Variants in JARID2 observed in about 807,000 individuals in gnomAD.
JARID2 encodes the protein jumonji and AT-rich interaction domain containing 2, also known as protein Jumonji.
JARID2 carries 21 observed loss-of-function variants against 125.6 expected under a neutral mutation model. The observed-to-expected ratio is 0.17, with a 90% CI of 0.12 to 0.24. The LOEUF (loss-of-function observed/expected upper bound fraction) is 0.24. JARID2 is among the 10% of genes least tolerant of loss of function. JARID2 has a pLI of 1.00. For synonymous variants in JARID2, 736 were observed against 661.6 expected (o/e 1.11, Z -1.73); for missense variants, 1,303 against 1,639.6 (o/e 0.79, Z 3.55).
chr6:15,442,393 A>G (rs1204643351), intron 3 of JARID2, among the ~76,000 whole-genome samples: 1 of 152,226 alleles, frequency 6.6e-6, no homozygotes, highest in Non-Finnish European at 1.5e-5. Flanking sequence ...TGTAACTACA[A>G]CAGCCTATTA....
chr6:15,464,315 A>G (rs1251441397), intron 4 of JARID2, among the ~76,000 whole-genome samples: 7 of 152,338 alleles, frequency 4.6e-5, no homozygotes, highest in East Asian at 1.9e-4. Flanking sequence ...TGACAGAGCA[A>G]TGGCATGTGC....
At chr6:15,294,318 G>A (rs1414154023) in intron 1 of JARID2, among the ~76,000 whole-genome samples, 3 of 152,056 alleles carry the variant, frequency 2.0e-5, no homozygotes, top group Non-Finnish European at 2.9e-5. Flanking sequence ...TCAGCCTCCC[G>A]AGCAGCTGGG....
intron 2 of JARID2, among the ~76,000 whole-genome samples, chr6:15,392,280 A>G (rs1383928662): frequency 6.6e-6 from 1 of 152,148 alleles, no homozygotes; most frequent in Non-Finnish European, 1.5e-5. Flanking sequence ...TTTTCTGAAT[A>G]AGCCTGGGGC....
chr6:15,300,360 T>A (rs1761561863), intron 1 of JARID2, among the ~76,000 whole-genome samples: 1 of 152,196 alleles, frequency 6.6e-6, no homozygotes, highest in South Asian at 2.1e-4. Context: ...GAGAAGGGCA[T>A]GGGAGTAGAA....
chr6:15,515,892 G>A (rs920302933), intron 16 of JARID2, among the ~76,000 whole-genome samples: 2 of 151,448 alleles, frequency 1.3e-5, no homozygotes, highest in Non-Finnish European at 2.9e-5. Flanking sequence ...AAAATTAGCC[G>A]TGCATGATGT....
At chr6:15,486,924 T>G (rs534619424) in intron 5 of JARID2, among the ~76,000 whole-genome samples, 1 of 150,196 alleles carries the variant, frequency 6.7e-6, no homozygotes, top group African/African-American at 2.5e-5. Context: ...AGATACTACC[T>G]GAGACTGGGT....
Position 15,520,370 on chromosome 6 carries a change from CTGGT to C in JARID2, c.*121_*124del. 1 of 786,216 alleles carries C rather than the reference CTGGT, an allele frequency of 1.3e-6. No individual in the cohort carries two copies. The highest frequency in any genetic ancestry group is 1.9e-6 in the Non-Finnish European group (1 of 532,494). 48.7% of individuals were successfully genotyped at this position (786,216 alleles called of 1,614,324 possible). A position where few individuals can be genotyped will look rare whatever the true frequency, so the allele number is the denominator to read the frequency against. On this transcript the variant is annotated 3_prime_UTR_variant, in exon 18 of 18. Coordinates refer to ENST00000341776, the MANE Select transcript of JARID2 (RefSeq NM_004973.4). Reference sequence around the variant, plus strand: ...CACTAGCTCTAAAGAAGATTTTCTTCTGGTTTTAGAGAACTAATTTTGTTTTAGC... The same window carrying C: ...CACTAGCTCTAAAGAAGATTTTCTTCTTTAGAGAACTAATTTTGTTTTAGC...
chr6:15,391,167 C>T (rs1764986667), intron 2 of JARID2, among the ~76,000 whole-genome samples: 2 of 152,164 alleles, frequency 1.3e-5, no homozygotes, highest in South Asian at 2.1e-4. Flanking sequence ...GTTCTGAATG[C>T]CAATGTCTTG....
intron 1 of JARID2, among the ~76,000 whole-genome samples, chr6:15,330,113 TCTTTC>T (rs1055681146): frequency 5.3e-5 from 8 of 152,256 alleles, no homozygotes; most frequent in Admixed American, 1.3e-4. Flanking sequence ...ACGTTTGTAT[TCTTTC>T]CTTTCCTCTT....
chr6:15,413,002 G>GTTGTTTTTTTTTTTTTTTTTT (rs1554133602), intron 3 of JARID2, among the ~76,000 whole-genome samples: 1 of 46,532 alleles, frequency 2.1e-5, no homozygotes, highest in African/African-American at 9.3e-5. Context: ...AAGAGCTTGT[G>GTTGTTTTTTTTTTTTTTTTTT]TTTTTGTTTT....
At chr6:15,247,596 GTTTA>G (rs975939653) in intron 1 of JARID2, 83 of 984,456 alleles carry the variant, frequency 8.4e-5, no homozygotes, top group East Asian at 1.1e-4. Flanking sequence ...TAAGAGGAAA[GTTTA>G]TTTAAGTTGG....
At chr6:15,270,995 C>T (rs1332206188) in intron 1 of JARID2, among the ~76,000 whole-genome samples, 1 of 152,028 alleles carries the variant, frequency 6.6e-6, no homozygotes, top group African/African-American at 2.4e-5. Flanking sequence ...AAATCCCACA[C>T]TTTGCTTTCC....
chr6:15,500,271 G>C (rs528520419), intron 7 of JARID2, among the ~76,000 whole-genome samples: 1 of 152,190 alleles, frequency 6.6e-6, no homozygotes, highest in Non-Finnish European at 1.5e-5. Context: ...GGCGAGGGAC[G>C]AGGCATAGAT....
intron 1 of JARID2, among the ~76,000 whole-genome samples, chr6:15,342,270 G>T (rs1022747259): frequency 6.6e-6 from 1 of 152,140 alleles, no homozygotes. Flanking sequence ...GCCTCTGTGC[G>T]ACTTACTGTA....
chr6:15,278,506 A>G (rs183224319), intron 1 of JARID2, among the ~76,000 whole-genome samples: 5,749 of 152,128 alleles, frequency 0.038, 176 homozygotes, highest in South Asian at 0.072. Context: ...GAATGGCGTG[A>G]ACCCGGGAGG....
At chr6:15,250,220 T>C (rs1759389424) in intron 1 of JARID2, among the ~76,000 whole-genome samples, 1 of 152,236 alleles carries the variant, frequency 6.6e-6, no homozygotes, top group South Asian at 2.1e-4. Context: ...TTGGAAAAAG[T>C]TTTTGTTATA....
At chr6:15,447,251 A>G (rs754111305) in intron 3 of JARID2, among the ~76,000 whole-genome samples, 1 of 152,114 alleles carries the variant, frequency 6.6e-6, no homozygotes, top group Non-Finnish European at 1.5e-5. Context: ...GTTTACATTT[A>G]CTTGATTTGA....
intron 1 of JARID2, among the ~76,000 whole-genome samples, chr6:15,337,067 G>A (rs910465954): frequency 2.6e-5 from 4 of 152,194 alleles, no homozygotes; most frequent in Non-Finnish European, 2.9e-5. Context: ...AAACGAATGC[G>A]AAACTGTCTC....
At chr6:15,511,035 T>G (rs751067973) in intron 12 of JARID2, among the ~76,000 whole-genome samples, 7 of 152,196 alleles carry the variant, frequency 4.6e-5, no homozygotes, top group Admixed American at 6.5e-5. Flanking sequence ...ACCAGGTGGG[T>G]CAGATCTCCA....
Sources: gnomAD v4.1 joint callset for allele counts (sites outside exome capture counted in the v4.1 genomes callset) on GRCh38, gnomAD v4.1.1 for gene constraint, MANE v1.5 for transcripts, NCBI Gene and HGNC (gene_info 2026-07-23, HGNC 2026-07-21) for gene names.